TBXAS1: variants seen among roughly 807,000 people sequenced by gnomAD.
The protein encoded by TBXAS1 is thromboxane A synthase 1.
In TBXAS1, 48 loss-of-function variants were observed where a neutral mutation model predicts 60.7. That is an observed-to-expected ratio of 0.79 (90% CI 0.63 to 1.01). TBXAS1 has a LOEUF of 1.01. TBXAS1 is among the 50% of genes least tolerant of loss of function. The probability of loss-of-function intolerance (pLI) is 0.00; values close to 1 mark genes in which losing one functional copy is unlikely to be tolerated. For missense variants in TBXAS1, 685 were observed against 686.3 expected, an observed-to-expected ratio of 1.00 and a Z score of 0.02; for synonymous variants, 287 against 269.7, an observed-to-expected ratio of 1.06 and a Z score of -0.63.
At chr7:139,951,966 G>GAA (rs761932825) in intron 5 of TBXAS1, among the ~76,000 whole-genome samples, 4 of 127,854 alleles carry the variant, frequency 3.1e-5, no homozygotes, top group African/African-American at 6.0e-5. Context: ...AAGAAAGAAA[G>GAA]AAAGAAAGAA....
chr7:139,936,030 T>C (rs1807734945), intron 4 of TBXAS1, among the ~76,000 whole-genome samples, 161 bp from the exon 5 acceptor site: 1 of 152,226 alleles, frequency 6.6e-6, no homozygotes, highest in Admixed American at 6.5e-5. Flanking sequence ...TATCACTGCC[T>C]GTAAGCCTTT....
intron 3 of TBXAS1, among the ~76,000 whole-genome samples, chr7:139,897,457 T>C (rs1274970761): frequency 4.6e-5 from 7 of 151,968 alleles, no homozygotes; most frequent in Admixed American, 2.6e-4. Context: ...TGGCAAACCA[T>C]TGAAGGGTGT....
chr7:139,979,560 T>C (rs1811813434), intron 9 of TBXAS1, among the ~76,000 whole-genome samples: 1 of 151,828 alleles, frequency 6.6e-6, no homozygotes, highest in Non-Finnish European at 1.5e-5. Flanking sequence ...AACCCGCCTC[T>C]ACTAAAAATA....
chr7:139,889,777 A>G (rs1437946157), intron 3 of TBXAS1, among the ~76,000 whole-genome samples: 1 of 152,238 alleles, frequency 6.6e-6, no homozygotes, highest in African/African-American at 2.4e-5. Context: ...CTCTGCCCTC[A>G]TGACCCATTT....
intron 3 of TBXAS1, among the ~76,000 whole-genome samples, chr7:139,897,512 T>C (rs886977703): frequency 6.6e-6 from 1 of 152,050 alleles, no homozygotes; most frequent in Non-Finnish European, 1.5e-5. Flanking sequence ...TACCAAGTCC[T>C]AGGTGGATAA....
intron 4 of TBXAS1, among the ~76,000 whole-genome samples, chr7:139,799,265 TG>T (rs1797654173): frequency 6.6e-6 from 1 of 151,652 alleles, no homozygotes; most frequent in South Asian, 2.1e-4. Context: ...AGTCTCACTT[TG>T]TTGCCCAGGC....
At chr7:139,886,921 G>T (rs1803158950) in intron 3 of TBXAS1, among the ~76,000 whole-genome samples, 1 of 152,190 alleles carries the variant, frequency 6.6e-6, no homozygotes, top group Non-Finnish European at 1.5e-5. Flanking sequence ...CATCCCATGA[G>T]CAAGAAGCCT....
At chr7:139,789,928 G>A (rs1386635663) in intron 4 of TBXAS1, among the ~76,000 whole-genome samples, 2 of 152,160 alleles carry the variant, frequency 1.3e-5, no homozygotes, top group African/African-American at 4.8e-5. Flanking sequence ...ACCGCACCCG[G>A]CCTAAACATA....
At chr7:139,855,494 T>A (rs886974815) in intron 1 of TBXAS1, among the ~76,000 whole-genome samples, 5 of 151,930 alleles carry the variant, frequency 3.3e-5, no homozygotes, top group African/African-American at 1.2e-4. Flanking sequence ...GTGGGGGATG[T>A]CAGGAGGCTG....
At chr7:139,968,051 A>C (rs962215700) in intron 9 of TBXAS1, among the ~76,000 whole-genome samples, 1 of 152,214 alleles carries the variant, frequency 6.6e-6, no homozygotes, top group Non-Finnish European at 1.5e-5. Context: ...CCATTTGAGA[A>C]GTGAAAATGT....
chr7:139,996,257 G>A (rs181002512), intron 9 of TBXAS1, among the ~76,000 whole-genome samples: 52 of 151,956 alleles, frequency 3.4e-4, no homozygotes, highest in African/African-American at 1.2e-3. Flanking sequence ...GTGAGCCACC[G>A]TGCCAGCCAT....
chr7:139,808,621 A>T (rs1797937701), intron 4 of TBXAS1, among the ~76,000 whole-genome samples: 1 of 152,132 alleles, frequency 6.6e-6, no homozygotes. Flanking sequence ...CCCTTCCTAG[A>T]GATCCCTCAT....
intron 9 of TBXAS1, among the ~76,000 whole-genome samples, chr7:139,983,474 C>T (rs1297755706): frequency 6.6e-6 from 1 of 152,186 alleles, no homozygotes; most frequent in Non-Finnish European, 1.5e-5. Flanking sequence ...GGTCACACAG[C>T]AAATACAGAA....
Position 139,920,903 on chromosome 7 carries a change from A to G in TBXAS1, c.333+9582A>G, listed in dbSNP as rs544466746. On this transcript the variant is annotated intron_variant, in intron 4 of 12. Coordinates refer to ENST00000448866, the MANE Select transcript of TBXAS1 (RefSeq NM_001061.7). ...ATACAGCCCGACAAGCGTGTGCTCAATGAAGGTTCCCAGATCTTTTTAATG... is the reference window on the plus strand; with the variant it reads ...ATACAGCCCGACAAGCGTGTGCTCAGTGAAGGTTCCCAGATCTTTTTAATG... Among the ~76,000 whole-genome samples, 11 of 152,318 alleles carry G rather than the reference A, an allele frequency of 7.2e-5. No individual in the cohort carries two copies. The South Asian group carries it at 8.3e-4, about 11-fold the overall frequency.
At chr7:139,832,560 C>A (rs890813643) in intron 1 of TBXAS1, among the ~76,000 whole-genome samples, 1 of 152,094 alleles carries the variant, frequency 6.6e-6, no homozygotes, top group South Asian at 2.1e-4. Context: ...AGGAAAAGTT[C>A]CCCAGTCTAG....
intron 1 of TBXAS1, among the ~76,000 whole-genome samples, chr7:139,848,997 A>G (rs894392895): frequency 6.6e-6 from 1 of 152,196 alleles, no homozygotes; most frequent in African/African-American, 2.4e-5. Flanking sequence ...ACAAAAAAAT[A>G]AATAAATGAA....
At chr7:139,984,773 AAAG>A (rs141848217) in intron 9 of TBXAS1, among the ~76,000 whole-genome samples, 54,289 of 141,330 alleles carry the variant, frequency 0.38, 11,597 homozygotes, top group East Asian at 0.74. Flanking sequence ...AGCAGGAAAG[AAAG>A]AAAGAAAAGA....
At chr7:139,813,931 C>G (rs1197660384) in intron 4 of TBXAS1, among the ~76,000 whole-genome samples, 1 of 152,194 alleles carries the variant, frequency 6.6e-6, no homozygotes, top group African/African-American at 2.4e-5. Context: ...TCAGAAGTCT[C>G]TGTTGCTTGC....
intron 9 of TBXAS1, chr7:139,962,488 T>G: frequency 2.3e-6 from 1 of 432,548 alleles, no homozygotes; most frequent in South Asian, 2.1e-5. Context: ...AAGCCAGGCC[T>G]GGCTCGAGGA....
Sources: gnomAD v4.1 joint callset for allele counts (sites outside exome capture counted in the v4.1 genomes callset) on GRCh38, gnomAD v4.1.1 for gene constraint, MANE v1.5 for transcripts, NCBI Gene and HGNC (gene_info 2026-07-23, HGNC 2026-07-21) for gene names.